The following NALF1 variants were observed in gnomAD, a reference collection of about 807,000 sequenced individuals.
NALF1 encodes NALCN channel auxiliary factor 1, also known as family with sequence similarity 155 member A.
In NALF1, 3 loss-of-function variants were observed where a neutral mutation model predicts 48.4. The observed-to-expected ratio is 0.06, with a 90% CI of 0.03 to 0.16. NALF1 has a LOEUF of 0.16. Ranked by LOEUF, NALF1 falls within the 10% of genes least tolerant of loss-of-function variation. The pLI is 1.00. For synonymous variants in NALF1, 262 were observed against 245.7 expected (o/e 1.07, Z -0.62); for missense variants, 526 against 571.5 (o/e 0.92, Z 0.81).
intron 1 of NALF1, among the ~76,000 whole-genome samples, chr13:107,652,760 AT>A (rs1271592641): frequency 1.2e-4 from 18 of 152,114 alleles, no homozygotes; most frequent in Admixed American, 1.2e-3. Context: ...CAGGAGTGAG[AT>A]TTTACTTCCA....
At chr13:107,605,463 A>G (rs1879040045) in intron 1 of NALF1, among the ~76,000 whole-genome samples, 2 of 152,138 alleles carry the variant, frequency 1.3e-5, no homozygotes, top group South Asian at 2.1e-4. Flanking sequence ...CGACAAATTC[A>G]TTATTAGGCC....
chr13:107,312,788 G>A (rs1882073093), intron 1 of NALF1, among the ~76,000 whole-genome samples: 1 of 152,138 alleles, frequency 6.6e-6, no homozygotes, highest in Admixed American at 6.5e-5. Context: ...TCAAGTTAAT[G>A]GCCACTCTGG....
chr13:107,447,583 C>T (rs1220724381), intron 1 of NALF1, among the ~76,000 whole-genome samples: 1 of 152,024 alleles, frequency 6.6e-6, no homozygotes, highest in African/African-American at 2.4e-5. Context: ...TTCTTTATTC[C>T]TTTTTACAGC....
At chr13:107,293,680 C>T (rs949437367) in intron 1 of NALF1, among the ~76,000 whole-genome samples, 3 of 152,196 alleles carry the variant, frequency 2.0e-5, no homozygotes, top group African/African-American at 7.2e-5. Context: ...TTAGTATTCT[C>T]TTACATCCTT....
chr13:107,508,550 T>C (rs1441467247), intron 1 of NALF1, among the ~76,000 whole-genome samples: 1 of 152,162 alleles, frequency 6.6e-6, no homozygotes, highest in Non-Finnish European at 1.5e-5. Context: ...TTAATCTCTC[T>C]TAAACCTTTC....
At chr13:107,266,182 T>C (rs555745173) in intron 1 of NALF1, among the ~76,000 whole-genome samples, 2 of 152,342 alleles carry the variant, frequency 1.3e-5, no homozygotes, top group South Asian at 2.1e-4. Context: ...TCCATTCAGA[T>C]AGCTTCCTTC....
chr13:107,807,574 G>A (rs961411319), intron 1 of NALF1, among the ~76,000 whole-genome samples: 1 of 152,128 alleles, frequency 6.6e-6, no homozygotes, highest in East Asian at 1.9e-4. Flanking sequence ...GTGATAACAC[G>A]GAAAATGTAC....
In NALF1 at chr13:107,254,062, A is replaced by AAAAAAAAAAAAATATATATATAT; in HGVS notation, c.916-43308_916-43307insATATATATATATTTTTTTTTTTT. On this transcript the variant is annotated intron_variant, in intron 1 of 2. Transcript: ENST00000375915. ...AGATGTTTAAGGGAGCAAGTACTAA[A>AAAAAAAAAAAAATATATATATAT]ATATATATATATATATTAAGCACAC... Among the ~76,000 whole-genome samples, 5 of 138,680 alleles carry AAAAAAAAAAAAATATATATATAT rather than the reference A, an allele frequency of 3.6e-5. No individual in the cohort carries two copies. The South Asian group carries it at 7.0e-4, about 19-fold the overall frequency. The allele number at this position is 138,680 out of a possible 152,430, so 91.0% of individuals were successfully genotyped here.
intron 1 of NALF1, among the ~76,000 whole-genome samples, chr13:107,393,941 T>A (rs1425927019): frequency 6.6e-6 from 1 of 152,154 alleles, no homozygotes; most frequent in African/African-American, 2.4e-5. Flanking sequence ...TCTAAGATAT[T>A]TAGCTAAAAC....
chr13:107,821,441 C>T (rs1015140804), intron 1 of NALF1, among the ~76,000 whole-genome samples: 14 of 152,140 alleles, frequency 9.2e-5, no homozygotes, highest in African/African-American at 3.4e-4. Flanking sequence ...AAGGCCATGT[C>T]GAGATTACGC....
chr13:107,263,199 T>C lies in NALF1; in HGVS notation c.916-52444A>G, dbSNP rs572741274. Among the ~76,000 whole-genome samples the C allele has an allele frequency of 3.3e-5, 5 of 150,618 alleles. No homozygotes were observed. In the South Asian group the frequency reaches 1.0e-3, roughly 32 times the overall value. ...TTTTTAACCCAGCAGCAGGGCTCAA[T>C]TCTTTGTGTATAAATGTGTAGGCTC... On this transcript the variant is annotated intron_variant, in intron 1 of 2. Transcript: ENST00000375915.
At chr13:107,656,725 A>C (rs1880585632) in intron 1 of NALF1, among the ~76,000 whole-genome samples, 3 of 152,184 alleles carry the variant, frequency 2.0e-5, no homozygotes, top group Non-Finnish European at 4.4e-5. Flanking sequence ...TTATAGCAGC[A>C]CAATTTGCAA....
At chr13:107,325,626 T>A (rs1488800370) in intron 1 of NALF1, among the ~76,000 whole-genome samples, 1 of 151,744 alleles carries the variant, frequency 6.6e-6, no homozygotes, top group Non-Finnish European at 1.5e-5. Context: ...TCACTTGAGG[T>A]CAGGAGTTCA....
chr13:107,336,282 G>T (rs577794360), intron 1 of NALF1, among the ~76,000 whole-genome samples: 185 of 152,018 alleles, frequency 1.2e-3, no homozygotes, highest in African/African-American at 4.3e-3. Flanking sequence ...GAACCCGGGA[G>T]GTGAAGGTTG....
At chr13:107,586,078 T>C (rs1878447419) in intron 1 of NALF1, among the ~76,000 whole-genome samples, 1 of 152,024 alleles carries the variant, frequency 6.6e-6, no homozygotes, top group African/African-American at 2.4e-5. Context: ...ATTTTACTTA[T>C]ATTGAATATA....
At chr13:107,315,353 T>C (rs1361478136) in intron 1 of NALF1, among the ~76,000 whole-genome samples, 2 of 152,136 alleles carry the variant, frequency 1.3e-5, no homozygotes, top group African/African-American at 4.8e-5. Flanking sequence ...ACCCATGTGA[T>C]GGATGCAGCC....
At chr13:107,414,546 T>C (rs1358237490) in intron 1 of NALF1, among the ~76,000 whole-genome samples, 1 of 151,058 alleles carries the variant, frequency 6.6e-6, no homozygotes, top group Non-Finnish European at 1.5e-5. Context: ...GTTAATTATA[T>C]AGTCAGCCTC....
rs114341692 is a variant in NALF1 at position 107,334,580 on chromosome 13, G to A, written c.916-123825C>T. ...TTTCAACAATGAAAAGTGAAAGCTG[G>A]GGGGAAAGATTGTATTTAGAATTTA... On this transcript the variant is annotated intron_variant, in intron 1 of 2. Transcript: ENST00000375915. Among the ~76,000 whole-genome samples, 439 of 152,242 alleles carry A rather than the reference G, an allele frequency of 2.9e-3. 1 individual carries two copies. The highest frequency in any genetic ancestry group is 9.6e-3 in the African/African-American group (398 of 41,552).
At chr13:107,315,945 C>T (rs868556771) in intron 1 of NALF1, among the ~76,000 whole-genome samples, 72 of 151,280 alleles carry the variant, frequency 4.8e-4, no homozygotes, top group South Asian at 3.3e-3. Context: ...ATGTGCACAA[C>T]GTGCAGGTTT....
Sources: gnomAD v4.1 joint callset for allele counts (sites outside exome capture counted in the v4.1 genomes callset) on GRCh38, gnomAD v4.1.1 for gene constraint, MANE v1.5 for transcripts, NCBI Gene and HGNC (gene_info 2026-07-23, HGNC 2026-07-21) for gene names.